Variants in NWD1 observed in about 807,000 individuals in gnomAD.
NWD1 encodes NACHT domain- and WD repeat-containing protein 1.
A neutral mutation model predicts 135.1 loss-of-function variants in NWD1; 129 were observed. The ratio of observed to expected loss-of-function variants is 0.96; its 90% CI spans 0.83 to 1.11. The LOEUF (loss-of-function observed/expected upper bound fraction) is 1.11. Ranked by LOEUF, NWD1 falls within the 50% of genes least tolerant of loss-of-function variation. NWD1 has a pLI of 0.00. For missense variants in NWD1, 1,740 were observed against 1,851.3 expected, an observed-to-expected ratio of 0.94 and a Z score of 1.10; for synonymous variants, 773 against 786.0, an observed-to-expected ratio of 0.98 and a Z score of 0.28.
At chr19:16,787,904 A>AATAATAATAATCATC (rs1283683765) in intron 12 of NWD1, among the ~76,000 whole-genome samples, 1 of 121,042 alleles carries the variant, frequency 8.3e-6, no homozygotes, top group African/African-American at 3.2e-5. Flanking sequence ...TAATAATAAT[A>AATAATAATAATCATC]ATCATCATCA....
At chr19:16,740,438 C>T (rs1046346609) in intron 4 of NWD1, among the ~76,000 whole-genome samples, 3 of 152,000 alleles carry the variant, frequency 2.0e-5, no homozygotes, top group African/African-American at 4.8e-5. Context: ...TGGGTTCAAG[C>T]AATTCTCCTG....
In NWD1 at chr19:16,782,558, T is replaced by TA. The variant is rs1052731708; in HGVS notation, c.2731+3099dup. ...ATTAGAGATGACATATTCAAATTTT[T>TA]AAAAAATTTAAAGGGGTGCCCTAAA... On this transcript the variant is annotated intron_variant, in intron 12 of 18. Coordinates refer to ENST00000524140, the MANE Select transcript of NWD1 (RefSeq NM_001007525.5). 7.9e-5 allele frequency among the ~76,000 whole-genome samples: 12 copies of TA among 152,250 alleles called. 1 individual carries two copies. Among genetic ancestry groups the TA allele is most frequent in the African/African-American group, 2.9e-4 (12 of 41,552 alleles).
intron 2 of NWD1, among the ~76,000 whole-genome samples, chr19:16,725,400 C>T (rs1420616515): frequency 6.6e-6 from 1 of 151,558 alleles, no homozygotes; most frequent in Non-Finnish European, 1.5e-5. Context: ...ATCACTTGAG[C>T]CCAGGAGATC....
intron 3 of NWD1, among the ~76,000 whole-genome samples, chr19:16,736,209 T>TTCCCTTCCTTCCTTCCTTCC (rs1967806505): frequency 8.5e-6 from 1 of 117,034 alleles, no homozygotes; most frequent in African/African-American, 3.6e-5. Flanking sequence ...TCCTTCCTTC[T>TTCCCTTCCTTCCTTCCTTCC]TTCCTTCCTT....
chr19:16,771,391 G>A (rs540175748), intron 10 of NWD1, among the ~76,000 whole-genome samples: 4 of 152,068 alleles, frequency 2.6e-5, no homozygotes, highest in Non-Finnish European at 5.9e-5. Context: ...CAGATGTTGC[G>A]GTGAGCCGAG....
chr19:16,812,669 CAAAA>C (rs1054873044), intron 18 of NWD1: 1 of 769,522 alleles, frequency 1.3e-6, no homozygotes. Flanking sequence ...AACTCCATCT[CAAAA>C]ACAAACAAAC....
At chr19:16,784,787 G>A (rs528237169) in intron 12 of NWD1, among the ~76,000 whole-genome samples, 1 of 152,154 alleles carries the variant, frequency 6.6e-6, no homozygotes, top group East Asian at 1.9e-4. Context: ...AAATTAGCCA[G>A]GTGTGATGGC....
intron 12 of NWD1, among the ~76,000 whole-genome samples, chr19:16,786,126 A>G (rs1462890570): frequency 6.6e-6 from 1 of 152,022 alleles, no homozygotes; most frequent in Non-Finnish European, 1.5e-5. Flanking sequence ...TGGCCTTCCA[A>G]AGTGTTGGGT....
intron 16 of NWD1, 144 bp downstream of exon 16, chr19:16,798,030 G>C: frequency 1.4e-6 from 1 of 716,554 alleles, no homozygotes; most frequent in Admixed American, 2.5e-5. Flanking sequence ...GGATATGGGG[G>C]TGTATCCTCC....
In NWD1 at chr19:16,789,125, C is replaced by T; in HGVS notation, c.2875C>T (p.Pro959Ser). 1 of 1,614,030 alleles carries T rather than the reference C, an allele frequency of 6.2e-7. No homozygotes were observed. Among genetic ancestry groups the T allele is most frequent in the Non-Finnish European group, 8.5e-7 (1 of 1,179,964 alleles). Residue 959 changes from proline to serine, a missense_variant, in exon 13 of 19, where the codon CCT (proline) becomes TCT (serine). Pro to Ser is a moderately conservative substitution (Grantham distance 74, BLOSUM62 -1). Transcript: ENST00000524140. ...WDGGSKNPAE[P>S]QIWNLHVDEA... Reference sequence around the variant, plus strand: ...TGGAGGCTCAAAAAATCCCGCTGAACCTCAGATCTGGAACCTTCATGTGGA... The same window carrying T: ...TGGAGGCTCAAAAAATCCCGCTGAATCTCAGATCTGGAACCTTCATGTGGA...
intron 5 of NWD1, among the ~76,000 whole-genome samples, chr19:16,747,100 G>T (rs113135145): frequency 6.7e-6 from 1 of 148,898 alleles, no homozygotes; most frequent in African/African-American, 2.5e-5. Flanking sequence ...GTAGTGGTGC[G>T]ATCTCAGCTC....
At chr19:16,749,079 T>C in intron 5 of NWD1, 60 bp from the exon 6 acceptor site, 1 of 1,364,500 alleles carries the variant, frequency 7.3e-7, no homozygotes, top group Non-Finnish European at 1.0e-6. Flanking sequence ...CAACCCCATT[T>C]AGGTCAGCTG....
At chr19:16,756,569 CTCTA>C (rs1445731089) in intron 6 of NWD1, among the ~76,000 whole-genome samples, 4 of 152,110 alleles carry the variant, frequency 2.6e-5, no homozygotes, top group South Asian at 2.1e-4. Context: ...GTATCTATTG[CTCTA>C]TCTCTTATTT....
At chr19:16,779,549 T>C (rs1341538284) in intron 12 of NWD1, 84 bp downstream of exon 12, 8 of 1,318,818 alleles carry the variant, frequency 6.1e-6, no homozygotes, top group Non-Finnish European at 8.6e-6. Context: ...GATTCACTTC[T>C]CTGTATTGAA....
At chr19:16,761,257 C>T (rs1009293375) in intron 7 of NWD1, among the ~76,000 whole-genome samples, 5 of 152,014 alleles carry the variant, frequency 3.3e-5, no homozygotes, top group South Asian at 2.1e-4. Context: ...TGTTTATCTT[C>T]GTCTATGGAT....
rs190717555 is a variant in NWD1 at position 16,807,016 on chromosome 19, A to T, written c.3737-570A>T. On this transcript the variant is annotated intron_variant, in intron 17 of 18. Transcript: ENST00000524140. ...TGGACAACGAAGCCAGACTCTGTCT[A>T]AAAAAAACAAAAAATAAAAAAATTA... is the stretch of plus-strand genomic sequence containing the variant. 5.5e-3 allele frequency among the ~76,000 whole-genome samples: 832 copies of T among 151,412 alleles called. 4 individuals carry two copies. Among genetic ancestry groups the T allele is most frequent in the Middle Eastern group, 0.028 (8 of 290 alleles).
At chr19:16,741,096 G>A (rs1274948342) in intron 4 of NWD1, among the ~76,000 whole-genome samples, 1 of 152,110 alleles carries the variant, frequency 6.6e-6, no homozygotes, top group East Asian at 1.9e-4. Context: ...GGAGGCAGAG[G>A]TTGCAGTGAG....
chr19:16,732,654 C>CAAAAAAAGAA (rs1967622366), intron 3 of NWD1, among the ~76,000 whole-genome samples: 1 of 30,310 alleles, frequency 3.3e-5, no homozygotes, highest in African/African-American at 3.1e-4. Flanking sequence ...GACTTCATCT[C>CAAAAAAAGAA]AAAAAAAAAA....
intron 13 of NWD1, among the ~76,000 whole-genome samples, chr19:16,790,642 T>A (rs199881002): frequency 0.11 from 7,837 of 70,398 alleles, 297 homozygotes; most frequent in East Asian, 0.39. Context: ...TAAAAAAAAA[T>A]AAATAAATAA....
Sources: gnomAD v4.1 joint callset for allele counts (sites outside exome capture counted in the v4.1 genomes callset) on GRCh38, gnomAD v4.1.1 for gene constraint, MANE v1.5 for transcripts, NCBI Gene and HGNC (gene_info 2026-07-23, HGNC 2026-07-21) for gene names.